The following ABCC9 variants were observed in gnomAD, a reference collection of about 807,000 sequenced individuals.
The protein encoded by ABCC9 is ATP-binding cassette sub-family C member 9.
Under a neutral mutation model 188.3 loss-of-function variants are expected in ABCC9, and 95 were observed. The observed-to-expected ratio is 0.50, with a 90% CI of 0.43 to 0.60. The LOEUF is 0.60. Among genes scored for constraint, ABCC9 ranks in the 20% least tolerant of loss-of-function variants. The pLI is 0.00. For synonymous variants in ABCC9, 659 were observed against 652.7 expected (o/e 1.01, Z -0.15); for missense variants, 1,102 against 1,876.3 (o/e 0.59, Z 7.62).
At chr12:21,814,578 G>T in intron 35 of ABCC9, 66 bp downstream of exon 35, 1 of 1,321,762 alleles carries the variant, frequency 7.6e-7, no homozygotes, top group Non-Finnish European at 1.1e-6. Flanking sequence ...GCAGGATTAG[G>T]TAAATTGATG....
intron 22 of ABCC9, among the ~76,000 whole-genome samples, chr12:21,858,902 C>A (rs1262549972): frequency 1.3e-5 from 2 of 152,132 alleles, no homozygotes; most frequent in African/African-American, 4.8e-5. Context: ...GCCAGCATCT[C>A]CCCATTGTCT....
intron 5 of ABCC9, chr12:21,925,365 A>G: frequency 1.8e-6 from 1 of 565,168 alleles, no homozygotes; most frequent in East Asian, 2.9e-5. Flanking sequence ...AAACAATTTT[A>G]GTCACAATGC....
chr12:21,818,833 G>A (rs556290040), intron 31 of ABCC9, among the ~76,000 whole-genome samples: 1 of 151,728 alleles, frequency 6.6e-6, no homozygotes, highest in East Asian at 1.9e-4. Flanking sequence ...TTTGTATTAG[G>A]TTGATGCAAC....
intron 15 of ABCC9, among the ~76,000 whole-genome samples, chr12:21,883,780 T>G (rs529764507): frequency 6.6e-6 from 1 of 152,180 alleles, no homozygotes; most frequent in Non-Finnish European, 1.5e-5. Flanking sequence ...ATAAGTCTTA[T>G]AGAATGATCT....
chr12:21,847,084 G>C (rs563895975), intron 25 of ABCC9, among the ~76,000 whole-genome samples: 1 of 152,166 alleles, frequency 6.6e-6, no homozygotes, highest in Admixed American at 6.5e-5. Context: ...TAAGTAATAT[G>C]TACTGTAATT....
intron 14 of ABCC9, among the ~76,000 whole-genome samples, chr12:21,892,960 A>G (rs554154960): frequency 2.6e-5 from 4 of 152,300 alleles, no homozygotes; most frequent in South Asian, 4.1e-4. Flanking sequence ...TTTTTCTTCA[A>G]TATTGCGACA....
chr12:21,802,521 A>G (rs981720231), intron 39 of ABCC9, among the ~76,000 whole-genome samples: 2 of 152,244 alleles, frequency 1.3e-5, no homozygotes, highest in African/African-American at 4.8e-5. Flanking sequence ...TATGTAACCA[A>G]TATAAAAATG....
chr12:21,868,722 T>C (rs2137554115), intron 18 of ABCC9, among the ~76,000 whole-genome samples: 1 of 152,316 alleles, frequency 6.6e-6, no homozygotes, highest in African/African-American at 2.4e-5. Context: ...TGTCTTACCA[T>C]ATCATTTAGT....
At position 21,800,961 on chromosome 12, in the gene ABCC9, C is replaced by G; in HGVS notation, c.*83G>C. Reference sequence around the variant, plus strand: ...AATCTGTAAAAGTTTTAAGATGCCACTTTACAGAGGTCAAGCTGATGATCC... The same window carrying G: ...AATCTGTAAAAGTTTTAAGATGCCAGTTTACAGAGGTCAAGCTGATGATCC... On this transcript the variant is annotated 3_prime_UTR_variant, in exon 40 of 40. Transcript: ENST00000261200. 2 of 1,543,100 alleles carry G rather than the reference C, an allele frequency of 1.3e-6. No individual in the cohort carries two copies. Among genetic ancestry groups the G allele is most frequent in the East Asian group, 4.5e-5 (2 of 44,186 alleles).
chr12:21,855,549 T>C (rs1945179760), intron 22 of ABCC9, among the ~76,000 whole-genome samples: 1 of 152,148 alleles, frequency 6.6e-6, no homozygotes, highest in African/African-American at 2.4e-5. Context: ...TGTTAGAAGT[T>C]AGTAAGGCAT....
In ABCC9 at chr12:21,797,699, T is replaced by C. The variant is rs543511314; in HGVS notation, c.*3345A>G. The C allele has an allele frequency of 6.6e-6, 1 of 152,320 alleles. No individual in the cohort carries two copies. The highest frequency in any genetic ancestry group is 2.4e-5 in the African/African-American group (1 of 41,586). The allele number at this position is 152,320 out of a possible 1,614,324, so 9.4% of individuals were successfully genotyped here. A position where few individuals can be genotyped will look rare whatever the true frequency, so the allele number is the denominator to read the frequency against. On this transcript the variant is annotated 3_prime_UTR_variant, in exon 40 of 40. Coordinates refer to ENST00000261200, the MANE Select transcript of ABCC9 (RefSeq NM_020297.4). Reference sequence around the variant, plus strand: ...CAGTTACTTAGAGGGTCTTCTGGTATCTAATCTAGAGCTGAGTAGACTTTT... The same window carrying C: ...CAGTTACTTAGAGGGTCTTCTGGTACCTAATCTAGAGCTGAGTAGACTTTT...
chr12:21,929,896 CAT>C (rs1458677067), intron 4 of ABCC9, among the ~76,000 whole-genome samples: 4 of 152,040 alleles, frequency 2.6e-5, no homozygotes, highest in Non-Finnish European at 5.9e-5. Context: ...AGTTTTGTTA[CAT>C]ATGTATACAT....
intron 20 of ABCC9, 126 bp downstream of exon 20, chr12:21,862,827 T>C: frequency 1.4e-6 from 1 of 691,554 alleles, no homozygotes; most frequent in Non-Finnish European, 2.6e-6. Context: ...GTGATGAGGA[T>C]GAAAACGGGG....
At chr12:21,839,131 A>G (rs1165283416) in intron 29 of ABCC9, among the ~76,000 whole-genome samples, 1 of 152,226 alleles carries the variant, frequency 6.6e-6, no homozygotes, top group Non-Finnish European at 1.5e-5. Context: ...AGTGAGGAAG[A>G]TCAGTTAATA....
At chr12:21,902,793 T>C (rs969067936) in intron 12 of ABCC9, among the ~76,000 whole-genome samples, 1 of 152,184 alleles carries the variant, frequency 6.6e-6, no homozygotes, top group Non-Finnish European at 1.5e-5. Flanking sequence ...AATGAAGCAA[T>C]AATTAATAGC....
chr12:21,893,344 G>A (rs1947259869), intron 14 of ABCC9, among the ~76,000 whole-genome samples: 1 of 152,074 alleles, frequency 6.6e-6, no homozygotes, highest in Non-Finnish European at 1.5e-5. Flanking sequence ...CTTTAAGCCT[G>A]GATTTTTTTC....
Position 21,936,572 on chromosome 12 carries a change from C to T in ABCC9, c.103G>A (p.Val35Ile). The change falls in exon 3 of 40, where the codon GTC becomes ATC. Residue 35 changes from valine (V) to isoleucine (I), a missense_variant. Val to Ile is a conservative substitution (Grantham distance 29). Transcript: ENST00000261200. The part of the protein sequence containing the change: ...FVDALNLVPH[V>I]FLLFITFPIL... ...GGAAAAGTGATAAACAACAGAAAGA[C>T]ATGAGGGACCAGGTTGAGGGCATCC... The T allele has an allele frequency of 6.2e-7, 1 of 1,613,030 alleles. No homozygotes were observed. Among genetic ancestry groups the T allele is most frequent in the Non-Finnish European group, 8.5e-7 (1 of 1,179,302 alleles).
chr12:21,803,568 T>C (rs1205214121), intron 39 of ABCC9, among the ~76,000 whole-genome samples: 1 of 149,544 alleles, frequency 6.7e-6, no homozygotes, highest in Non-Finnish European at 1.5e-5. Context: ...GACAGGAGAA[T>C]CGTTTGAACC....
intron 38 of ABCC9, among the ~76,000 whole-genome samples, chr12:21,807,130 A>T (rs1031791905): frequency 2.0e-5 from 3 of 152,188 alleles, no homozygotes; most frequent in African/African-American, 7.2e-5. Context: ...AATTTATTTT[A>T]TGTTGATTGG....
Sources: gnomAD v4.1 joint callset for allele counts (sites outside exome capture counted in the v4.1 genomes callset) on GRCh38, gnomAD v4.1.1 for gene constraint, MANE v1.5 for transcripts, NCBI Gene and HGNC (gene_info 2026-07-23, HGNC 2026-07-21) for gene names.